The following APBA1 variants were observed in gnomAD, a reference collection of about 807,000 sequenced individuals.
APBA1 encodes amyloid beta precursor protein binding family A member 1.
A neutral mutation model predicts 86.6 loss-of-function variants in APBA1; 55 were observed. That is an observed-to-expected ratio of 0.64 (90% confidence interval 0.51 to 0.80). APBA1 has a LOEUF of 0.80. APBA1 is among the 30% of genes least tolerant of loss of function. The probability of loss-of-function intolerance (pLI) is 0.00; values close to 1 mark genes in which losing one functional copy is unlikely to be tolerated. For missense variants in APBA1, 1,090 were observed against 1,183.0 expected (o/e 0.92, Z 1.15); for synonymous variants, 511 against 493.9 (o/e 1.03, Z -0.46).
chr9:69,431,141 GAAAAAAAAAA>G lies in APBA1; in HGVS notation c.*176_*185del. 1 of 284,206 alleles carries G rather than the reference GAAAAAAAAAA, an allele frequency of 3.5e-6. No homozygotes were observed. Among genetic ancestry groups the G allele is most frequent in the Non-Finnish European group, 6.1e-6 (1 of 164,652 alleles). 17.6% of individuals were successfully genotyped at this position (284,206 alleles called of 1,614,324 possible). A position where few individuals can be genotyped will look rare whatever the true frequency, so the allele number is the denominator to read the frequency against. On this transcript the variant is annotated 3_prime_UTR_variant, in exon 13 of 13. Coordinates refer to ENST00000265381, the MANE Select transcript of APBA1 (RefSeq NM_001163.4). ...GTGCATACGAAACTTCCCTGGTATT[GAAAAAAAAAA>G]AAAAAAAAAAGCAAATCGGAGAGAG...
intron 11 of APBA1, among the ~76,000 whole-genome samples, chr9:69,434,848 G>A (rs930040937): frequency 1.3e-5 from 2 of 151,946 alleles, no homozygotes; most frequent in Non-Finnish European, 2.9e-5. Context: ...ACAACGTGCA[G>A]GTTTGTTACA....
chr9:69,636,920 AAG>A (rs1368775504), intron 1 of APBA1, among the ~76,000 whole-genome samples: 11 of 124,136 alleles, frequency 8.9e-5, no homozygotes, highest in African/African-American at 2.8e-4. Flanking sequence ...GGAAGGAAGG[AAG>A]GAAAGAAAGA....
intron 11 of APBA1, among the ~76,000 whole-genome samples, chr9:69,435,623 C>G (rs61062879): frequency 6.6e-6 from 1 of 152,206 alleles, no homozygotes; most frequent in African/African-American, 2.4e-5. Flanking sequence ...ATATCCTTCA[C>G]CCACTTTTTG....
chr9:69,606,066 A>G (rs150180145), intron 1 of APBA1, among the ~76,000 whole-genome samples: 1 of 152,316 alleles, frequency 6.6e-6, no homozygotes, highest in African/African-American at 2.4e-5. Flanking sequence ...TACACACAAA[A>G]AGAATCCACT....
intron 1 of APBA1, among the ~76,000 whole-genome samples, chr9:69,538,151 C>T (rs566204945): frequency 6.6e-6 from 1 of 152,262 alleles, no homozygotes; most frequent in Non-Finnish European, 1.5e-5. Flanking sequence ...ATTAGTAGTT[C>T]CCCAGTTATC....
At chr9:69,511,054 A>C (rs1289490010) in intron 2 of APBA1, among the ~76,000 whole-genome samples, 3 of 151,924 alleles carry the variant, frequency 2.0e-5, no homozygotes, top group African/African-American at 7.3e-5. Flanking sequence ...ATGGCAACAA[A>C]AGCCAAAATG....
chr9:69,658,300 C>CTCTT (rs1488256675), intron 1 of APBA1, among the ~76,000 whole-genome samples: 2,055 of 55,852 alleles, frequency 0.037, 139 homozygotes, highest in East Asian at 0.058. Context: ...CTCTTTCTCT[C>CTCTT]TCTCTCTTTC....
At chr9:69,474,480 T>C (rs923107321) in intron 3 of APBA1, 1 of 152,260 alleles carries the variant, frequency 6.6e-6, no homozygotes, top group Admixed American at 6.5e-5. Context: ...CCTGGAACAT[T>C]GTCAATGCTC....
At chr9:69,572,900 G>C (rs1160335844) in intron 1 of APBA1, among the ~76,000 whole-genome samples, 1 of 152,144 alleles carries the variant, frequency 6.6e-6, no homozygotes, top group Non-Finnish European at 1.5e-5. Context: ...CACTGTTATA[G>C]GTTTTATGAT....
In APBA1 at chr9:69,429,627, G is replaced by A. The variant is rs572349823; in HGVS notation, c.*1700C>T. 4 of 152,172 alleles carry A rather than the reference G, an allele frequency of 2.6e-5. No individual in the cohort carries two copies. The highest frequency in any genetic ancestry group is 7.2e-5 in the African/African-American group (3 of 41,532). The allele number at this position is 152,172 out of a possible 1,614,324, so 9.4% of individuals were successfully genotyped here. On this transcript the variant is annotated 3_prime_UTR_variant, in exon 13 of 13. Coordinates refer to ENST00000265381, the MANE Select transcript of APBA1 (RefSeq NM_001163.4). ...AAAACTCAGAAGATGCAGAGATCTC[G>A]GGGAATTGATCACAGAACTCTCTGG...
chr9:69,579,849 T>G (rs1821881827), intron 1 of APBA1, among the ~76,000 whole-genome samples: 1 of 152,226 alleles, frequency 6.6e-6, no homozygotes, highest in African/African-American at 2.4e-5. Context: ...AATTTGATTC[T>G]TGCTCATTTT....
intron 1 of APBA1, among the ~76,000 whole-genome samples, chr9:69,662,147 A>C (rs1379063014): frequency 6.6e-6 from 1 of 152,062 alleles, no homozygotes; most frequent in Non-Finnish European, 1.5e-5. Context: ...AGAGGACAGA[A>C]TAGACTCCAG....
chr9:69,635,842 T>C (rs972724454), intron 1 of APBA1, among the ~76,000 whole-genome samples: 4 of 152,148 alleles, frequency 2.6e-5, no homozygotes, highest in Non-Finnish European at 5.9e-5. Flanking sequence ...CTCTGAGACA[T>C]TGGCTAGGCA....
At chr9:69,465,075 A>G (rs992883940) in intron 5 of APBA1, 13 of 152,312 alleles carry the variant, frequency 8.5e-5, no homozygotes, top group African/African-American at 2.9e-4. Flanking sequence ...TCTGGGTAGC[A>G]TTCCTTGATA....
chr9:69,593,441 T>TA (rs1476739589), intron 1 of APBA1, among the ~76,000 whole-genome samples: 6 of 150,848 alleles, frequency 4.0e-5, no homozygotes, highest in African/African-American at 1.2e-4. Context: ...ACTGAAAAGA[T>TA]ATTCAAAGAA....
At chr9:69,665,872 A>AC (rs1823832411) in intron 1 of APBA1, among the ~76,000 whole-genome samples, 1 of 152,144 alleles carries the variant, frequency 6.6e-6, no homozygotes, top group African/African-American at 2.4e-5. Flanking sequence ...AATAGCTGGG[A>AC]CTACAAGCAT....
intron 1 of APBA1, among the ~76,000 whole-genome samples, chr9:69,563,410 G>A (rs1836977243): frequency 1.3e-5 from 2 of 152,156 alleles, no homozygotes; most frequent in Admixed American, 6.5e-5. Flanking sequence ...AGCTGTCCCA[G>A]TATGAGCACA....
intron 4 of APBA1, 53 bp from the exon 5 acceptor site, chr9:69,468,021 A>G: frequency 6.3e-7 from 1 of 1,589,882 alleles, no homozygotes; most frequent in Non-Finnish European, 8.6e-7. Context: ...GGGCCTGCCA[A>G]CCCCCTCAAT....
chr9:69,570,267 C>T (rs1001911713), intron 1 of APBA1, among the ~76,000 whole-genome samples: 16 of 152,188 alleles, frequency 1.1e-4, no homozygotes, highest in African/African-American at 3.9e-4. Flanking sequence ...GACACAACCT[C>T]CAGTGGCTGA....
Sources: gnomAD v4.1 joint callset for allele counts (sites outside exome capture counted in the v4.1 genomes callset) on GRCh38, gnomAD v4.1.1 for gene constraint, MANE v1.5 for transcripts, NCBI Gene and HGNC (gene_info 2026-07-23, HGNC 2026-07-21) for gene names.